Variants in DOCK7 observed in about 807,000 individuals in gnomAD.
DOCK7 encodes the protein dedicator of cytokinesis 7.
A neutral mutation model predicts 271.0 loss-of-function variants in DOCK7; 138 were observed. That is an observed-to-expected ratio of 0.51 (90% CI 0.44 to 0.59). The LOEUF is 0.59. DOCK7 is among the 20% of genes least tolerant of loss of function. DOCK7 has a pLI of 0.00. For synonymous variants in DOCK7, 823 were observed against 876.1 expected, an observed-to-expected ratio of 0.94 and a Z score of 1.07; for missense variants, 2,066 against 2,592.4, an observed-to-expected ratio of 0.80 and a Z score of 4.41.
At position 62,648,527 on chromosome 1, in the gene DOCK7, G is replaced by C. The variant is rs1415672093; in HGVS notation, c.407C>G (p.Thr136Arg). 4 of 1,358,666 alleles carry C rather than the reference G, an allele frequency of 2.9e-6. No homozygotes were observed. The highest frequency in any genetic ancestry group is 1.5e-5 in the African/African-American group (1 of 66,178). 84.2% of individuals were successfully genotyped at this position (1,358,666 alleles called of 1,614,324 possible). A position where few individuals can be genotyped will look rare whatever the true frequency, so the allele number is the denominator to read the frequency against. The stretch of plus-strand genomic sequence containing the variant: ...ATCTAATGTATTGGGATTAAATCCT[G>C]TTCCCAATTTATGATATCTATTAAA... ...IVIRKYHKLGTGFNPNTLDKQ... is the reference protein window; with the variant it reads ...IVIRKYHKLGRGFNPNTLDKQ... The change falls in exon 5 of 50, where the codon ACA (threonine) becomes AGA (arginine). Residue 136 changes from threonine (T) to arginine (R), a missense_variant. This residue lies in a region of DOCK7 where 1,414 missense variants were observed against 1,670.4 expected (regional missense o/e 0.85). Transcript: ENST00000635253.
At chr1:62,656,599 A>G (rs1048836969) in intron 2 of DOCK7, among the ~76,000 whole-genome samples, 1 of 152,232 alleles carries the variant, frequency 6.6e-6, no homozygotes, top group African/African-American at 2.4e-5. Flanking sequence ...TAAGTACAAC[A>G]GCCTAGATAT....
intron 14 of DOCK7, among the ~76,000 whole-genome samples, chr1:62,600,727 T>G (rs1649986707): frequency 6.6e-6 from 1 of 151,748 alleles, no homozygotes; most frequent in South Asian, 2.1e-4. Context: ...AACTGAAAAT[T>G]ATTAAACTTA....
At chr1:62,489,267 G>T (rs1247187131) in intron 41 of DOCK7, among the ~76,000 whole-genome samples, 1 of 152,170 alleles carries the variant, frequency 6.6e-6, no homozygotes, top group Non-Finnish European at 1.5e-5. Context: ...GGCTAGCACG[G>T]TGAAACCCCG....
At chr1:62,479,510 A>C (rs1038894575) in intron 43 of DOCK7, among the ~76,000 whole-genome samples, 3 of 152,166 alleles carry the variant, frequency 2.0e-5, no homozygotes, top group Non-Finnish European at 4.4e-5. Flanking sequence ...TAAAACCATA[A>C]GTAAGCCAAA....
chr1:62,578,311 A>T (rs945807858), intron 17 of DOCK7, among the ~76,000 whole-genome samples: 6 of 152,216 alleles, frequency 3.9e-5, no homozygotes, highest in Non-Finnish European at 7.3e-5. Flanking sequence ...GTGTTAGTCA[A>T]TAAATCAATT....
At chr1:62,578,730 A>C (rs1480745350) in intron 17 of DOCK7, 98 bp downstream of exon 17, 7 of 1,013,902 alleles carry the variant, frequency 6.9e-6, no homozygotes, top group Non-Finnish European at 9.5e-6. Context: ...AAAAAAAAAA[A>C]AAAAAAAAAC....
intron 48 of DOCK7, among the ~76,000 whole-genome samples, chr1:62,469,817 A>G (rs1430062086): frequency 6.6e-6 from 1 of 152,114 alleles, no homozygotes; most frequent in African/African-American, 2.4e-5. Flanking sequence ...AAAATGCTCA[A>G]CATCACTAAT....
At chr1:62,680,044 G>C (rs1338213758) in intron 1 of DOCK7, among the ~76,000 whole-genome samples, 5 of 152,146 alleles carry the variant, frequency 3.3e-5, no homozygotes, top group African/African-American at 9.7e-5. Context: ...CTACTTTAAA[G>C]TTCATGTGGA....
intron 42 of DOCK7, 153 bp from the exon 43 acceptor site, chr1:62,487,565 T>C (rs1646331506): frequency 1.7e-6 from 1 of 601,994 alleles, no homozygotes; most frequent in Non-Finnish European, 2.8e-6. Context: ...AGACCTGCAA[T>C]AATTTCATAA....
At chr1:62,496,127 A>G (rs1646615276) in intron 38 of DOCK7, among the ~76,000 whole-genome samples, 1 of 152,210 alleles carries the variant, frequency 6.6e-6, no homozygotes, top group Non-Finnish European at 1.5e-5. Context: ...TTATAAATGC[A>G]CAGAATTAAA....
chr1:62,631,171 C>A (rs143399868), intron 11 of DOCK7, 69 bp downstream of exon 11: 4 of 1,426,570 alleles, frequency 2.8e-6, no homozygotes, highest in East Asian at 4.8e-5. Flanking sequence ...GGCCATAGAG[C>A]GAAACTCCAT....
intron 2 of DOCK7, among the ~76,000 whole-genome samples, chr1:62,654,506 A>C (rs930100220): frequency 8.5e-5 from 13 of 152,198 alleles, no homozygotes; most frequent in Non-Finnish European, 1.6e-4. Context: ...GATATTAAAA[A>C]AAAAAGTAAG....
In DOCK7 at chr1:62,654,002, G is replaced by A. The variant is rs2149694292; in HGVS notation, c.302C>T (p.Ser101Leu). ...TCCTTACCTTTCTTCAGGTACAGCT[G>A]AAACAAGAGTTCTGCAGTCCCGAGG... is the stretch of plus-strand genomic sequence containing the variant. Reference protein sequence around the residue: ...YSPRDCRTLVSAVPEESEMDP... With the variant: ...YSPRDCRTLVLAVPEESEMDP... The change falls in exon 3 of 50, where the codon TCA becomes TTA. Residue 101 changes from serine (S) to leucine (L), a missense_variant. Ser to Leu is a moderately radical substitution (Grantham distance 145). Coordinates refer to ENST00000635253, the MANE Select transcript of DOCK7 (RefSeq NM_001367561.1). 6.2e-7 allele frequency: 1 copy of A among 1,613,500 alleles called. No individual in the cohort carries two copies. Among genetic ancestry groups the A allele is most frequent in the Non-Finnish European group, 8.5e-7 (1 of 1,179,758 alleles).
chr1:62,662,868 A>G (rs1215113879), intron 2 of DOCK7, among the ~76,000 whole-genome samples, 157 bp downstream of exon 2: 2 of 152,188 alleles, frequency 1.3e-5, no homozygotes, highest in African/African-American at 4.8e-5. Flanking sequence ...TAACACCCCC[A>G]ACATCCTCTC....
At chr1:62,490,079 T>TTA (rs1553154535) in intron 41 of DOCK7, among the ~76,000 whole-genome samples, 3 of 150,264 alleles carry the variant, frequency 2.0e-5, no homozygotes, top group Non-Finnish European at 4.4e-5. Flanking sequence ...TTTTTTTTTT[T>TTA]AAATAATAAG....
chr1:62,495,728 C>A, intron 38 of DOCK7, 47 bp from the exon 39 acceptor site: 1 of 1,394,344 alleles, frequency 7.2e-7, no homozygotes, highest in Admixed American at 2.4e-5. Flanking sequence ...TGTCATTCAT[C>A]CATAATCACC....
At chr1:62,535,704 A>C in intron 28 of DOCK7, 72 bp from the exon 29 acceptor site, 3 of 1,416,688 alleles carry the variant, frequency 2.1e-6, no homozygotes, top group Non-Finnish European at 2.8e-6. Flanking sequence ...GAGCAATATA[A>C]GAAATGAAAT....
intron 20 of DOCK7, 90 bp from the exon 21 acceptor site, chr1:62,556,079 C>A: frequency 7.7e-7 from 1 of 1,306,554 alleles, no homozygotes; most frequent in Non-Finnish European, 1.1e-6. Flanking sequence ...TCTTTGCATA[C>A]TTTAAGTATA....
intron 48 of DOCK7, among the ~76,000 whole-genome samples, chr1:62,465,546 T>G (rs1645652243): frequency 6.6e-6 from 1 of 152,090 alleles, no homozygotes; most frequent in African/African-American, 2.4e-5. Context: ...AAATACTGTT[T>G]TTGTTGTTGT....
Sources: allele counts gnomAD v4.1 joint callset (sites outside exome capture counted in the v4.1 genomes callset), GRCh38; gene constraint gnomAD v4.1.1; regional missense constraint gnomAD v4.1.1; transcripts MANE v1.5; gene names NCBI Gene and HGNC (gene_info 2026-07-23, HGNC 2026-07-21).